Variants in OSBP2 observed in about 807,000 individuals in gnomAD.
The protein encoded by OSBP2 is oxysterol-binding protein 2.
OSBP2 carries 66 observed loss-of-function variants against 96.0 expected under a neutral mutation model. That is an observed-to-expected ratio of 0.69 (90% CI 0.56 to 0.84). The LOEUF (loss-of-function observed/expected upper bound fraction) is 0.84. Ranked by LOEUF, OSBP2 falls within the 40% of genes least tolerant of loss-of-function variation. OSBP2 has a pLI of 0.00. For missense variants in OSBP2, 1,038 were observed against 1,222.7 expected (o/e 0.85, Z 2.25); for synonymous variants, 525 against 520.9 (o/e 1.01, Z -0.11).
chr22:30,694,376 CT>C, upstream of OSBP2: 1 of 1,506,920 alleles, frequency 6.6e-7, no homozygotes. Context: ...GGGGCGTCGT[CT>C]TTAGCCTTTA....
intron 1 of OSBP2, among the ~76,000 whole-genome samples, chr22:30,730,399 C>T (rs2089729738): frequency 6.6e-6 from 1 of 152,084 alleles, no homozygotes; most frequent in African/African-American, 2.4e-5. Flanking sequence ...TTATTTCCCC[C>T]CACTTATTGT....
chr22:30,866,699 T>C lies in OSBP2; in HGVS notation c.854-3730T>C, dbSNP rs562506734. Among the ~76,000 whole-genome samples the C allele has an allele frequency of 2.6e-4, 40 of 152,016 alleles. 1 individual carries two copies. The East Asian group carries it at 7.7e-3, about 29-fold the overall frequency. ...TTGCAGTGAACCGAGATTGCGCCAC[T>C]GCACTCCAGCCTGGGCGACAGCGCG... On this transcript the variant is annotated intron_variant, in intron 2 of 13. Coordinates refer to ENST00000332585, the MANE Select transcript of OSBP2 (RefSeq NM_030758.4).
In OSBP2 at chr22:30,784,595, G is replaced by A. The variant is rs143288559; in HGVS notation, c.853+43226G>A. Among the ~76,000 whole-genome samples the A allele has an allele frequency of 1.7e-3, 257 of 152,078 alleles. 1 individual carries two copies. Among genetic ancestry groups the A allele is most frequent in the Non-Finnish European group, 3.1e-3 (210 of 67,990 alleles). On this transcript the variant is annotated intron_variant, in intron 2 of 13. Transcript: ENST00000332585. ...TTTTAATTGTATCCTTCTGGAATTT[G>A]TTTTTCTGCAAGTTGTGAGAAAGGC...
intron 2 of OSBP2, among the ~76,000 whole-genome samples, chr22:30,794,440 T>C (rs2090726607): frequency 6.6e-6 from 1 of 151,932 alleles, no homozygotes; most frequent in African/African-American, 2.4e-5. Context: ...AATTTTTATA[T>C]TTTTAGTAGA....
intron 2 of OSBP2, among the ~76,000 whole-genome samples, chr22:30,867,452 G>C (rs1372660979): frequency 6.6e-6 from 1 of 152,160 alleles, no homozygotes; most frequent in Non-Finnish European, 1.5e-5. Context: ...GGGCCCCGAA[G>C]CACTTATTCA....
chr22:30,887,719 A>C (rs941843352), intron 4 of OSBP2, 101 bp downstream of exon 4: 1 of 1,073,808 alleles, frequency 9.3e-7, no homozygotes, highest in South Asian at 1.6e-5. Flanking sequence ...GGCTGTGCCC[A>C]CATGTGGGCT....
intron 12 of OSBP2, among the ~76,000 whole-genome samples, chr22:30,898,132 G>C (rs912819965): frequency 6.6e-6 from 1 of 151,898 alleles, no homozygotes; most frequent in African/African-American, 2.4e-5. Flanking sequence ...TTAAAAATAA[G>C]AGCAAGAGCA....
chr22:30,894,140 TC>T, intron 12 of OSBP2, 139 bp downstream of exon 12: 1 of 668,502 alleles, frequency 1.5e-6, no homozygotes, highest in Non-Finnish European at 2.5e-6. Flanking sequence ...GCAGCCGACA[TC>T]CCAGTGTGAA....
intron 1 of OSBP2, among the ~76,000 whole-genome samples, chr22:30,718,792 C>A (rs1244802281): frequency 6.6e-6 from 1 of 152,138 alleles, no homozygotes; most frequent in Non-Finnish European, 1.5e-5. Flanking sequence ...GCAGAAATGG[C>A]CTGGGCCCTT....
chr22:30,841,452 A>G (rs2038751733), intron 2 of OSBP2, among the ~76,000 whole-genome samples: 1 of 152,190 alleles, frequency 6.6e-6, no homozygotes, highest in African/African-American at 2.4e-5. Context: ...TTCAATTAGC[A>G]TAATGTTTTC....
intron 12 of OSBP2, chr22:30,902,110 GAAAAAAAAAAAAAACGAAAAAAA>G (rs2040212144): frequency 2.9e-5 from 6 of 205,054 alleles, no homozygotes; most frequent in East Asian, 6.2e-5. Context: ...AGCAATATAA[GAAAAAAAAAAAAAACGAAAAAAA>G]AAAAACCAAA....
At chr22:30,768,966 C>G (rs377612981) in intron 2 of OSBP2, among the ~76,000 whole-genome samples, 3 of 152,210 alleles carry the variant, frequency 2.0e-5, no homozygotes, top group Admixed American at 6.5e-5. Context: ...GGGTCCAGAC[C>G]GGATGCCTGA....
chr22:30,782,303 C>T (rs2090528492), intron 2 of OSBP2, among the ~76,000 whole-genome samples: 1 of 152,196 alleles, frequency 6.6e-6, no homozygotes, highest in African/African-American at 2.4e-5. Flanking sequence ...AATTCCTCCT[C>T]AGCCCCTTCC....
intron 2 of OSBP2, among the ~76,000 whole-genome samples, chr22:30,750,002 G>A (rs1035047484): frequency 6.6e-6 from 1 of 152,206 alleles, no homozygotes; most frequent in African/African-American, 2.4e-5. Context: ...AGGAGAGGGA[G>A]GGAGAGGTGA....
chr22:30,865,631 C>CAAAAAAAAAAAAAA (rs398040482), intron 2 of OSBP2, among the ~76,000 whole-genome samples: 3 of 59,896 alleles, frequency 5.0e-5, no homozygotes, highest in Non-Finnish European at 9.2e-5. Flanking sequence ...GACTCCATCT[C>CAAAAAAAAAAAAAA]AAAAAAAAAA....
rs543290478 is a variant in OSBP2, at chr22:30,762,323, G to A, written c.853+20954G>A. On this transcript the variant is annotated intron_variant, in intron 2 of 13. Coordinates refer to ENST00000332585, the MANE Select transcript of OSBP2 (RefSeq NM_030758.4). ...TCAGCACTTTGGGAGGCCAAGGCGG[G>A]TGGACCACGAGGTCAGGAGATCGAG... is the stretch of plus-strand genomic sequence containing the variant. 2.6e-5 allele frequency among the ~76,000 whole-genome samples: 4 copies of A among 152,336 alleles called. No individual in the cohort carries two copies. In the South Asian group the frequency reaches 6.2e-4, roughly 24 times the overall value.
intron 8 of OSBP2, among the ~76,000 whole-genome samples, chr22:30,892,017 G>A (rs1275737840): frequency 6.6e-6 from 1 of 152,196 alleles, no homozygotes; most frequent in Non-Finnish European, 1.5e-5. Context: ...GCAGCAGCTG[G>A]AGGGCGGTGC....
intron 2 of OSBP2, among the ~76,000 whole-genome samples, chr22:30,829,729 A>G (rs554005707): frequency 1.3e-5 from 2 of 152,364 alleles, no homozygotes; most frequent in East Asian, 3.9e-4. Context: ...ATAAATCTAT[A>G]GTGTCTGTTG....
intron 1 of OSBP2, among the ~76,000 whole-genome samples, chr22:30,713,079 ATTT>A (rs136387): frequency 1.5e-4 from 18 of 123,402 alleles, no homozygotes; most frequent in East Asian, 2.5e-4. Context: ...CACTTGGCTA[ATTT>A]TTTTTTTTTT....
Sources: allele counts gnomAD v4.1 joint callset (sites outside exome capture counted in the v4.1 genomes callset), GRCh38; gene constraint gnomAD v4.1.1; transcripts MANE v1.5; gene names NCBI Gene and HGNC (gene_info 2026-07-23, HGNC 2026-07-21).